The following STAC variants were observed in gnomAD, a reference collection of about 807,000 sequenced individuals.
The protein encoded by STAC is SH3 and cysteine-rich domain-containing protein.
Under a neutral mutation model 48.8 loss-of-function variants are expected in STAC, and 43 were observed. The observed-to-expected ratio is 0.88, with a 90% CI of 0.69 to 1.14. The LOEUF (loss-of-function observed/expected upper bound fraction) is 1.14, where lower values mean the gene tolerates loss of function less well. STAC is among the 50% of genes most tolerant of loss of function. The pLI is 0.00. For synonymous variants in STAC, 193 were observed against 179.5 expected (o/e 1.07, Z -0.60); for missense variants, 497 against 504.0 (o/e 0.99, Z 0.13).
rs1364993262 is a variant in STAC, at chr3:36,484,985, G to T, written c.498G>T (p.Gly166=). ...PQRCMGKLPK[G]FRRYYSSPLL... ...CCTCATTCTCTCTCCAGCCAAAGGG[G>T]TTTCGGCGTTACTACAGCTCCCCCT... The change falls in exon 4 of 11, where the codon GGG becomes GGT. Residue 166 remains glycine (G), a synonymous_variant. Transcript: ENST00000273183. 3 of 1,600,454 alleles carry T rather than the reference G, an allele frequency of 1.9e-6. No homozygotes were observed. The highest frequency in any genetic ancestry group is 2.6e-6 in the Non-Finnish European group (3 of 1,173,416).
intron 10 of STAC, among the ~76,000 whole-genome samples, chr3:36,535,070 G>T (rs915229479): frequency 6.6e-6 from 1 of 152,070 alleles, no homozygotes; most frequent in Non-Finnish European, 1.5e-5. Flanking sequence ...GGGGAGTATG[G>T]CCATTTACAT....
chr3:36,380,834 T>A, intron 1 of STAC, 80 bp downstream of exon 1: 1 of 1,114,208 alleles, frequency 9.0e-7, no homozygotes, highest in South Asian at 1.5e-5. Flanking sequence ...TCCTCCTATC[T>A]AGCACGGGCG....
intron 6 of STAC, 30 bp downstream of exon 6, chr3:36,493,259 G>A: frequency 1.9e-6 from 3 of 1,608,342 alleles, no homozygotes; most frequent in South Asian, 1.1e-5. Context: ...CAGCACAAAT[G>A]TGATCACATG....
At chr3:36,516,004 A>T (rs1257942260) in intron 8 of STAC, among the ~76,000 whole-genome samples, 2 of 104,998 alleles carry the variant, frequency 1.9e-5, no homozygotes, top group East Asian at 2.7e-4. Flanking sequence ...TTTTTTTGAG[A>T]CAGAGTTTCA....
In STAC at chr3:36,429,929, T is replaced by G. The variant is rs868553139; in HGVS notation, c.112-13435T>G. Among the ~76,000 whole-genome samples the G allele has an allele frequency of 3.3e-5, 5 of 152,268 alleles. No individual in the cohort carries two copies. The South Asian group carries it at 6.2e-4, about 19-fold the overall frequency. On this transcript the variant is annotated intron_variant, in intron 1 of 10. Coordinates refer to ENST00000273183, the MANE Select transcript of STAC (RefSeq NM_003149.3). The stretch of plus-strand genomic sequence containing the variant: ...AACACAGGTGAAAAGGGTCGGAGTC[T>G]TGGAGAGGAGAGATGAATACAGGAG...
chr3:36,546,153 A>G (rs760684450), intron 10 of STAC, 38 bp from the exon 11 acceptor site: 4 of 1,568,644 alleles, frequency 2.5e-6, no homozygotes, highest in Non-Finnish European at 3.5e-6. Context: ...TCTTGCTGAC[A>G]GTAAAGTATT....
intron 2 of STAC, among the ~76,000 whole-genome samples, chr3:36,474,379 G>A (rs1697434026): frequency 6.6e-6 from 1 of 152,172 alleles, no homozygotes; most frequent in African/African-American, 2.4e-5. Flanking sequence ...CATTGACCAT[G>A]GTTACATATA....
intron 6 of STAC, among the ~76,000 whole-genome samples, chr3:36,497,205 G>C (rs984528366): frequency 1.3e-5 from 2 of 152,192 alleles, no homozygotes; most frequent in Non-Finnish European, 2.9e-5. Context: ...GCAAATATTT[G>C]TGGTATGTTT....
At chr3:36,410,903 T>C (rs1044877765) in intron 1 of STAC, among the ~76,000 whole-genome samples, 5 of 152,238 alleles carry the variant, frequency 3.3e-5, no homozygotes, top group African/African-American at 1.2e-4. Context: ...TTTGGGACTA[T>C]ACATTTACGG....
At chr3:36,524,464 C>A (rs186861457) in intron 8 of STAC, among the ~76,000 whole-genome samples, 1 of 151,842 alleles carries the variant, frequency 6.6e-6, no homozygotes, top group Non-Finnish European at 1.5e-5. Context: ...TGGTAGCGGG[C>A]GCCTTTCTTC....
intron 1 of STAC, among the ~76,000 whole-genome samples, chr3:36,382,991 G>A (rs56306821): frequency 0.19 from 29,212 of 152,120 alleles, 3,431 homozygotes; most frequent in Non-Finnish European, 0.24. Context: ...AAGACTTAAA[G>A]TTACTTTTTT....
intron 1 of STAC, among the ~76,000 whole-genome samples, chr3:36,398,458 A>G (rs187397888): frequency 3.0e-3 from 237 of 78,994 alleles, no homozygotes; most frequent in Admixed American, 3.7e-3. Flanking sequence ...GAAGGAAGGA[A>G]GGAAGGAAGG....
intron 1 of STAC, among the ~76,000 whole-genome samples, chr3:36,387,837 A>G (rs1266422941): frequency 6.6e-6 from 1 of 152,020 alleles, no homozygotes; most frequent in Non-Finnish European, 1.5e-5. Flanking sequence ...TTCATTTCTT[A>G]TGGGTATATA....
rs73059946 is a variant in STAC at position 36,410,911 on chromosome 3, C to T, written c.111+30157C>T. On this transcript the variant is annotated intron_variant, in intron 1 of 10. Coordinates refer to ENST00000273183, the MANE Select transcript of STAC (RefSeq NM_003149.3). ...TGTGATGTTTGGGACTATACATTTA[C>T]GGGATTTGAACTCTCTTTATACCAG... 2.2e-4 allele frequency among the ~76,000 whole-genome samples: 33 copies of T among 152,236 alleles called. 1 individual carries two copies. The highest frequency in any genetic ancestry group is 7.7e-4 in the African/African-American group (32 of 41,534).
intron 2 of STAC, among the ~76,000 whole-genome samples, chr3:36,471,398 C>T (rs1024491721): frequency 1.2e-4 from 19 of 152,152 alleles, no homozygotes; most frequent in Middle Eastern, 3.2e-3. Flanking sequence ...CCACCCCTAA[C>T]CCCTTCCAAA....
chr3:36,441,130 A>G (rs765970527), intron 1 of STAC, among the ~76,000 whole-genome samples: 3 of 152,058 alleles, frequency 2.0e-5, no homozygotes, highest in Non-Finnish European at 2.9e-5. Flanking sequence ...GCTATTTGAA[A>G]CTATATAATG....
At chr3:36,518,912 T>C (rs1348996382) in intron 8 of STAC, among the ~76,000 whole-genome samples, 2 of 152,204 alleles carry the variant, frequency 1.3e-5, no homozygotes, top group Admixed American at 6.5e-5. Flanking sequence ...CAGGCAGTCA[T>C]GGGCCAGGGG....
At chr3:36,492,637 G>A (rs77530891) in intron 5 of STAC, among the ~76,000 whole-genome samples, 2,585 of 152,264 alleles carry the variant, frequency 0.017, 22 homozygotes, top group Non-Finnish European at 0.021. Context: ...AAGAATGATT[G>A]TGACTCACTT....
intron 1 of STAC, among the ~76,000 whole-genome samples, chr3:36,411,203 C>A (rs1452354219): frequency 6.6e-6 from 1 of 152,288 alleles, no homozygotes; most frequent in African/African-American, 2.4e-5. Flanking sequence ...CACTTCTTAC[C>A]ATGTCCACTG....
Sources: gnomAD v4.1 joint callset for allele counts (sites outside exome capture counted in the v4.1 genomes callset) on GRCh38, gnomAD v4.1.1 for gene constraint, MANE v1.5 for transcripts, NCBI Gene and HGNC (gene_info 2026-07-23, HGNC 2026-07-21) for gene names.